The following HTT variants were observed in gnomAD, a reference collection of about 807,000 sequenced individuals.
The protein encoded by HTT is huntingtin.
In HTT, 104 loss-of-function variants were observed where a neutral mutation model predicts 362.3. That is an observed-to-expected ratio of 0.29 (90% CI 0.24 to 0.34). HTT has a LOEUF of 0.34. Ranked by LOEUF, HTT falls within the 10% of genes least tolerant of loss-of-function variation. The pLI is 1.00. For synonymous variants in HTT, 1,577 were observed against 1,548.7 expected (o/e 1.02, Z -0.43); for missense variants, 3,301 against 3,928.6 (o/e 0.84, Z 4.27).
intron 4 of HTT, 82 bp downstream of exon 4, chr4:3,103,965 G>A (rs1274380320): frequency 1.0e-5 from 8 of 795,766 alleles, no homozygotes; most frequent in African/African-American, 7.0e-5. Flanking sequence ...ACATGTAAAT[G>A]TATATATTTA....
intron 3 of HTT, among the ~76,000 whole-genome samples, chr4:3,100,873 G>A (rs571099153): frequency 2.5e-4 from 38 of 152,296 alleles, no homozygotes; most frequent in African/African-American, 2.4e-4. Context: ...GACTACAGGC[G>A]TGCACCACCA....
chr4:3,122,359 T>A (rs926209346), intron 9 of HTT, among the ~76,000 whole-genome samples: 6 of 152,210 alleles, frequency 3.9e-5, no homozygotes, highest in African/African-American at 1.4e-4. Context: ...GTGGTCGGTG[T>A]AGTGCACAGT....
chr4:3,194,998 G>A (rs1719180947), intron 40 of HTT, among the ~76,000 whole-genome samples: 1 of 152,196 alleles, frequency 6.6e-6, no homozygotes, highest in East Asian at 1.9e-4. Context: ...TTGTGCTTAA[G>A]TTCTAAAAGA....
chr4:3,164,316 T>C (rs961191391), intron 29 of HTT, among the ~76,000 whole-genome samples: 3 of 152,250 alleles, frequency 2.0e-5, no homozygotes, highest in African/African-American at 7.2e-5. Context: ...TCTGTTCTTT[T>C]ACATTTGCTG....
intron 21 of HTT, among the ~76,000 whole-genome samples, chr4:3,140,170 A>G (rs1716269360): frequency 6.6e-6 from 1 of 151,958 alleles, no homozygotes; most frequent in Admixed American, 6.5e-5. Flanking sequence ...CTGAGGCAGG[A>G]GAATCACTTG....
chr4:3,221,244 C>T (rs929394141), intron 53 of HTT, among the ~76,000 whole-genome samples: 2 of 152,174 alleles, frequency 1.3e-5, no homozygotes, highest in Non-Finnish European at 2.9e-5. Context: ...TCTACTTTCC[C>T]CTTTATAATT....
Position 3,206,671 on chromosome 4 carries a change from C to T in HTT, c.5894C>T (p.Ser1965Leu), listed in dbSNP as rs1719868640. ...ATTCAGTCTCGTTGTGAAAACCTTT[C>T]AACTGTACGTCTTCATCCTGCCGAC... Reference protein sequence around the residue: ...QAIQSRCENLSTPTMLKKTLQ... With the variant: ...QAIQSRCENLLTPTMLKKTLQ... Residue 1965 changes from serine (S) to leucine (L), a missense_variant, in exon 43 of 67, where the codon TCA (serine) becomes TTA (leucine). By Grantham distance (145) the Ser-to-Leu change is moderately radical. Around this residue, in one of 4 missense-constraint regions of HTT, gnomAD observed 2,316 missense variants for 2,658.5 expected, o/e 0.87. Transcript: ENST00000355072. The surrounding 1 kb of genome is among the most constrained non-coding windows in gnomAD (Gnocchi z 4.6). 1.9e-6 allele frequency: 3 copies of T among 1,613,918 alleles called. No individual in the cohort carries two copies. Among genetic ancestry groups the T allele is most frequent in the Non-Finnish European group, 2.5e-6 (3 of 1,179,898 alleles).
intron 1 of HTT, among the ~76,000 whole-genome samples, chr4:3,083,586 C>CATAT (rs796776728): frequency 8.4e-6 from 1 of 118,600 alleles, no homozygotes; most frequent in Admixed American, 8.8e-5. Context: ...CACACACACA[C>CATAT]ATATATATGT....
In HTT at chr4:3,136,929, AT is replaced by A. The variant is rs57989407; in HGVS notation, c.2798+613del. ...GGCCCGGCTTTGAATTTTTTTTTTT[AT>A]TTTTTTTTTGAGACAGAGTCCTGCT... On this transcript the variant is annotated intron_variant, in intron 21 of 66. Coordinates refer to ENST00000355072, the MANE Select transcript of HTT (RefSeq NM_001388492.1). Among the ~76,000 whole-genome samples, 36 of 138,896 alleles carry A rather than the reference AT, an allele frequency of 2.6e-4. No homozygotes were observed. The East Asian group carries it at 5.4e-3, about 21-fold the overall frequency. 91.1% of individuals were successfully genotyped at this position (138,896 alleles called of 152,430 possible). A position where few individuals can be genotyped will look rare whatever the true frequency, so the allele number is the denominator to read the frequency against.
Position 3,121,258 on chromosome 4 carries a change from C to T in HTT, c.1099C>T (p.His367Tyr). Reference sequence around the variant, plus strand: ...TGAACTGACGTTACATCATACACAGCACCAAGACCACAATGTTGTGACCGG... The same window carrying T: ...TGAACTGACGTTACATCATACACAGTACCAAGACCACAATGTTGTGACCGG... ...VYELTLHHTQHQDHNVVTGAL... is the reference protein window; with the variant it reads ...VYELTLHHTQYQDHNVVTGAL... Residue 367 changes from histidine (H) to tyrosine (Y), a missense_variant, in exon 9 of 67, where the codon CAC becomes TAC. Transcript: ENST00000355072. The T allele has an allele frequency of 6.2e-7, 1 of 1,614,070 alleles. No homozygotes were observed. Among genetic ancestry groups the T allele is most frequent in the Non-Finnish European group, 8.5e-7 (1 of 1,179,888 alleles).
In HTT at chr4:3,199,787, T is replaced by C. The variant is rs752971037; in HGVS notation, c.5424T>C (p.Cys1808=). The change falls in exon 41 of 67, where the codon TGT becomes TGC. Residue 1808 remains cysteine, a synonymous_variant. Transcript: ENST00000355072. The part of the protein sequence containing the change: ...AATRLFRSDG[C]GGSFYTLDSL... Reference sequence around the variant, plus strand: ...CTAGGCTGTTCCGCAGTGATGGCTGTGGCGGCAGTTTCTACACCCTGGACA... The same window carrying C: ...CTAGGCTGTTCCGCAGTGATGGCTGCGGCGGCAGTTTCTACACCCTGGACA... 5 of 1,614,076 alleles carry C rather than the reference T, an allele frequency of 3.1e-6. No individual in the cohort carries two copies. In the African/African-American group the frequency reaches 6.7e-5, roughly 22 times the overall value.
At chr4:3,164,284 TGACA>T (rs1249321203) in intron 29 of HTT, among the ~76,000 whole-genome samples, 1 of 152,258 alleles carries the variant, frequency 6.6e-6, no homozygotes, top group East Asian at 1.9e-4. Context: ...CACTGTGGTC[TGACA>T]GACAGTTTGT....
At chr4:3,189,875 G>A (rs969647914) in intron 40 of HTT, among the ~76,000 whole-genome samples, 1 of 152,252 alleles carries the variant, frequency 6.6e-6, no homozygotes, top group Middle Eastern at 3.4e-3. Context: ...CAAACTAGCC[G>A]GGGATAGTGG....
At chr4:3,219,954 G>A (rs1376619267) in intron 52 of HTT, among the ~76,000 whole-genome samples, 1 of 152,174 alleles carries the variant, frequency 6.6e-6, no homozygotes, top group Admixed American at 6.5e-5. Context: ...GCCTCAGGAT[G>A]AGGACAGGAA....
chr4:3,180,482 A>C (rs1718461085), intron 35 of HTT, 33 bp from the exon 36 acceptor site: 1 of 1,517,586 alleles, frequency 6.6e-7, no homozygotes, highest in Non-Finnish European at 8.8e-7. Context: ...TTTCCATGAA[A>C]TGCCTGATAA....
At position 3,103,990 on chromosome 4, in the gene HTT, T is replaced by C. The variant is rs2110160132; in HGVS notation, c.528+107T>C. ...GTATATATTTATGGGGTACATGAGA[T>C]ATTTTGATACAGGTATACAATACAT... On this transcript the variant is annotated intron_variant, in intron 4 of 66. Transcript: ENST00000355072. The C allele has an allele frequency of 4.4e-6, 3 of 684,622 alleles. No homozygotes were observed. The East Asian group carries it at 8.1e-5, about 19-fold the overall frequency. The allele number at this position is 684,622 out of a possible 1,614,324, so 42.4% of individuals were successfully genotyped here.
chr4:3,213,917 G>C, intron 49 of HTT, 41 bp from the exon 50 acceptor site: 3 of 1,469,436 alleles, frequency 2.0e-6, no homozygotes, highest in South Asian at 1.4e-5. Context: ...CCAAACGAAG[G>C]TACACGAGTG....
chr4:3,163,016 G>C (rs1407710068), intron 29 of HTT, among the ~76,000 whole-genome samples: 1 of 152,176 alleles, frequency 6.6e-6, no homozygotes, highest in African/African-American at 2.4e-5. Context: ...TTTTCGAAGG[G>C]AATGCTTCCA....
chr4:3,155,728 CAAAAAAAAA>C (rs774283812), intron 27 of HTT, among the ~76,000 whole-genome samples: 1 of 49,648 alleles, frequency 2.0e-5, no homozygotes, highest in African/African-American at 7.1e-5. Context: ...AAAAATACCA[CAAAAAAAAA>C]AAAAAAAAAA....
Sources: gnomAD v4.1 joint callset for allele counts (sites outside exome capture counted in the v4.1 genomes callset) on GRCh38, gnomAD v4.1.1 for gene constraint, gnomAD v4.1.1 regional missense constraint, Gnocchi (gnomAD v3.1) non-coding constraint, MANE v1.5 for transcripts, NCBI Gene and HGNC (gene_info 2026-07-23, HGNC 2026-07-21) for gene names.